Variants in MYO16 observed in about 807,000 individuals in gnomAD.
MYO16 encodes myosin XVI.
Under a neutral mutation model 205.3 loss-of-function variants are expected in MYO16, and 94 were observed. The observed-to-expected ratio is 0.46, with a 90% confidence interval of 0.39 to 0.54. The LOEUF (loss-of-function observed/expected upper bound fraction) is 0.54. Among genes scored for constraint, MYO16 ranks in the 20% least tolerant of loss-of-function variants. The pLI, the probability that MYO16 is intolerant of heterozygous loss-of-function variation, is 0.00. For missense variants in MYO16, 2,315 were observed against 2,387.5 expected, an observed-to-expected ratio of 0.97 and a Z score of 0.63; for synonymous variants, 988 against 954.0, an observed-to-expected ratio of 1.04 and a Z score of -0.66.
At chr13:108,827,156 A>G (rs9514927) in intron 9 of MYO16, among the ~76,000 whole-genome samples, 36,976 of 152,174 alleles carry the variant, frequency 0.24, 5,175 homozygotes, top group East Asian at 0.66. Context: ...TGACTTCACC[A>G]TGTATTCCGT....
At chr13:108,908,987 AAAAT>A (rs1331629581) in intron 15 of MYO16, among the ~76,000 whole-genome samples, 34 of 148,836 alleles carry the variant, frequency 2.3e-4, no homozygotes, top group African/African-American at 5.4e-4. Flanking sequence ...AAAATAAAAT[AAAAT>A]AAATAAATAA....
chr13:108,867,674 C>T (rs376394398), intron 12 of MYO16, among the ~76,000 whole-genome samples: 19 of 152,214 alleles, frequency 1.2e-4, no homozygotes, highest in South Asian at 8.3e-4. Context: ...TGTGTATTGA[C>T]GTATAATATA....
chr13:108,617,813 C>T (rs1459717681), intron 1 of MYO16, among the ~76,000 whole-genome samples: 2 of 152,124 alleles, frequency 1.3e-5, no homozygotes, highest in East Asian at 3.9e-4. Flanking sequence ...AATAGATGTA[C>T]TTATTTATTC....
At chr13:108,516,608 G>T in the MYO16 span, among the ~76,000 whole-genome samples, 13 of 152,144 alleles carry the variant, frequency 8.5e-5, no homozygotes, top group South Asian at 2.1e-4. Context: ...ATTAGTATAA[G>T]GTAAACATGT....
At chr13:108,798,700 T>TC (rs1426792555) in intron 6 of MYO16, among the ~76,000 whole-genome samples, 1 of 121,578 alleles carries the variant, frequency 8.2e-6, no homozygotes, top group African/African-American at 3.4e-5. Flanking sequence ...TTTTTTTTTT[T>TC]TTTTTTTTTT....
At chr13:108,755,608 A>T (rs1411360859) in intron 4 of MYO16, among the ~76,000 whole-genome samples, 2 of 152,154 alleles carry the variant, frequency 1.3e-5, no homozygotes. Context: ...TTTTAGTAAT[A>T]TTTATGATTG....
chr13:109,095,838 G>T (rs1888758562), intron 27 of MYO16, among the ~76,000 whole-genome samples: 2 of 152,184 alleles, frequency 1.3e-5, no homozygotes, highest in Non-Finnish European at 2.9e-5. Flanking sequence ...GAGCCTGCAG[G>T]CACCGAAGGC....
intron 34 of MYO16, among the ~76,000 whole-genome samples, chr13:109,194,819 C>G (rs1880078562): frequency 6.6e-6 from 1 of 152,048 alleles, no homozygotes; most frequent in East Asian, 1.9e-4. Flanking sequence ...ATTATATAGA[C>G]AGATTTTTTT....
In MYO16 at chr13:109,022,565, A is replaced by G. The variant is rs1038424077; in HGVS notation, c.2796+2654A>G. Among the ~76,000 whole-genome samples, 9 of 125,242 alleles carry G rather than the reference A, an allele frequency of 7.2e-5. 1 individual carries two copies. The highest frequency in any genetic ancestry group is 1.9e-4 in the African/African-American group (7 of 37,038). 82.2% of individuals were successfully genotyped at this position (125,242 alleles called of 152,430 possible). On this transcript the variant is annotated intron_variant, in intron 23 of 34. Coordinates refer to ENST00000457511, the MANE Select transcript of MYO16 (RefSeq NM_001198950.3). ...ATGTATATATTTCTATATTCTACAT[A>G]CACATATAAACATATGTATATATTT... is the stretch of plus-strand genomic sequence containing the variant.
intron 5 of MYO16, among the ~76,000 whole-genome samples, chr13:108,789,686 G>A (rs1886559101): frequency 1.3e-5 from 2 of 152,076 alleles, no homozygotes; most frequent in African/African-American, 4.8e-5. Context: ...TTTTACTTCT[G>A]TGCATCTCTT....
chr13:109,144,201 G>C (rs550925938), intron 32 of MYO16, among the ~76,000 whole-genome samples: 5 of 151,998 alleles, frequency 3.3e-5, no homozygotes, highest in Non-Finnish European at 7.4e-5. Context: ...TTTTAGTAGG[G>C]ATGGGGTTTC....
At chr13:109,029,117 T>TC (rs1886467680) in intron 23 of MYO16, among the ~76,000 whole-genome samples, 1 of 125,912 alleles carries the variant, frequency 7.9e-6, no homozygotes, top group Non-Finnish European at 1.8e-5. Flanking sequence ...CTTTTCTTTT[T>TC]TTTTTTTTTT....
intron 6 of MYO16, among the ~76,000 whole-genome samples, chr13:108,795,402 G>T (rs1243668057): frequency 1.3e-5 from 2 of 151,982 alleles, no homozygotes; most frequent in Non-Finnish European, 2.9e-5. Flanking sequence ...TAGAGACGGG[G>T]TTTCACCATG....
intron 3 of MYO16, among the ~76,000 whole-genome samples, chr13:108,725,218 A>G (rs1884298570): frequency 6.6e-6 from 1 of 152,160 alleles, no homozygotes; most frequent in Non-Finnish European, 1.5e-5. Context: ...TATAGTTATA[A>G]ATACGGTTTT....
At chr13:108,865,399 A>G (rs1878660660) in intron 11 of MYO16, among the ~76,000 whole-genome samples, 1 of 152,018 alleles carries the variant, frequency 6.6e-6, no homozygotes, top group South Asian at 2.1e-4. Context: ...TTACTCTGAA[A>G]TGTTTCTTTT....
At chr13:108,560,494 G>A in the MYO16 span, among the ~76,000 whole-genome samples, 1 of 152,154 alleles carries the variant, frequency 6.6e-6, no homozygotes, top group Non-Finnish European at 1.5e-5. Flanking sequence ...CAGTAAAAGG[G>A]TACTTGAAAA....
At chr13:108,739,328 C>T (rs986308110) in intron 4 of MYO16, among the ~76,000 whole-genome samples, 1 of 152,038 alleles carries the variant, frequency 6.6e-6, no homozygotes, top group Non-Finnish European at 1.5e-5. Context: ...GTAGGGCAGA[C>T]CTGGTGGTGA....
the MYO16 span, among the ~76,000 whole-genome samples, chr13:108,579,373 G>A: frequency 2.6e-5 from 4 of 151,938 alleles, no homozygotes; most frequent in East Asian, 1.9e-4. Context: ...AGAGAAATCC[G>A]TTTGAATGCA....
intron 28 of MYO16, among the ~76,000 whole-genome samples, chr13:109,110,166 T>C (rs1040173181): frequency 6.6e-6 from 1 of 152,256 alleles, no homozygotes; most frequent in Non-Finnish European, 1.5e-5. Context: ...ATCAAATGTG[T>C]GCTCTGACTG....
Sources: allele counts gnomAD v4.1 joint callset (sites outside exome capture counted in the v4.1 genomes callset), GRCh38; gene constraint gnomAD v4.1.1; transcripts MANE v1.5; gene names NCBI Gene and HGNC (gene_info 2026-07-23, HGNC 2026-07-21).